Variants in SLC46A3 observed in about 807,000 individuals in gnomAD.
SLC46A3 encodes the protein lysosomal proton-coupled steroid conjugate and bile acid symporter SLC46A3.
In SLC46A3, 26 loss-of-function variants were observed where a neutral mutation model predicts 38.5. The observed-to-expected ratio is 0.68, with a 90% CI of 0.49 to 0.94. The LOEUF is 0.94. SLC46A3 is among the 40% of genes least tolerant of loss of function. The pLI is 0.00. For missense variants in SLC46A3, 510 were observed against 544.3 expected, an observed-to-expected ratio of 0.94 and a Z score of 0.63; for synonymous variants, 185 against 192.5, an observed-to-expected ratio of 0.96 and a Z score of 0.32.
At chr13:28,717,485 CTTTTT>C (rs56878379) in intron 2 of SLC46A3, among the ~76,000 whole-genome samples, 3 of 126,922 alleles carry the variant, frequency 2.4e-5, no homozygotes, top group Non-Finnish European at 3.3e-5. Context: ...AATTTTCAGA[CTTTTT>C]TTTTTTTTTT....
chr13:28,704,303 C>T, intron 4 of SLC46A3: 1 of 558,962 alleles, frequency 1.8e-6, no homozygotes, highest in Non-Finnish European at 3.1e-6. Flanking sequence ...GGGAAAGGTT[C>T]TCCTTGGACT....
chr13:28,714,633 C>T (rs534796281), intron 2 of SLC46A3, among the ~76,000 whole-genome samples: 49 of 152,308 alleles, frequency 3.2e-4, no homozygotes, highest in African/African-American at 1.1e-3. Context: ...CCTGTAGTCT[C>T]CGCTACTTGG....
At chr13:28,712,528 T>TTGA (rs1885370864) in intron 3 of SLC46A3, 152 bp downstream of exon 3, 2 of 671,466 alleles carry the variant, frequency 3.0e-6, no homozygotes, top group South Asian at 1.2e-4. Flanking sequence ...TTTTGGCTTA[T>TTGA]TGACTCCTGG....
chr13:28,709,645 G>A (rs1343326770), intron 4 of SLC46A3, among the ~76,000 whole-genome samples: 1 of 152,154 alleles, frequency 6.6e-6, no homozygotes, highest in African/African-American at 2.4e-5. Flanking sequence ...CCCTTCAACT[G>A]TTTGACTTTG....
rs1318440885 is a variant in SLC46A3 at position 28,712,992 on chromosome 13, T to TA, written c.747dup (p.Lys250Ter). 2.4e-5 allele frequency: 38 copies of TA among 1,613,190 alleles called. No individual in the cohort carries two copies. Among genetic ancestry groups the TA allele is most frequent in the Non-Finnish European group, 3.2e-5 (38 of 1,179,868 alleles). Reference sequence around the variant, plus strand: ...AATCGTCTCTTACCAGAAGCATTCTTAAAAAGCATGTAAGTTCGGTAAAAT... The same window carrying TA: ...AATCGTCTCTTACCAGAAGCATTCTTAAAAAAGCATGTAAGTTCGGTAAAAT... On this transcript the variant is annotated frameshift_variant, in exon 3 of 6. Transcript: ENST00000266943. LOFTEE classifies it high-confidence loss of function.
rs575866639 is a variant in SLC46A3, at chr13:28,709,014, C to T, written c.1144+1746G>A. Reference sequence around the variant, plus strand: ...TATAAACAGATGTGTGAATATATAGCTACATCTTATGAGTGAAAAATAAGA... The same window carrying T: ...TATAAACAGATGTGTGAATATATAGTTACATCTTATGAGTGAAAAATAAGA... On this transcript the variant is annotated intron_variant, in intron 4 of 5. Transcript: ENST00000266943. Among the ~76,000 whole-genome samples the T allele has an allele frequency of 7.9e-5, 12 of 152,128 alleles. No homozygotes were observed. In the South Asian group the frequency reaches 2.5e-3, roughly 32 times the overall value.
At chr13:28,714,783 A>G (rs1486341833) in intron 2 of SLC46A3, among the ~76,000 whole-genome samples, 1 of 152,198 alleles carries the variant, frequency 6.6e-6, no homozygotes, top group East Asian at 1.9e-4. Context: ...TAAAGGTGGT[A>G]GTATGTCATG....
intron 2 of SLC46A3, among the ~76,000 whole-genome samples, chr13:28,715,287 G>A (rs1311219144): frequency 6.6e-6 from 1 of 152,198 alleles, no homozygotes; most frequent in African/African-American, 2.4e-5. Context: ...TGAAAATTCG[G>A]CAAAAATCTT....
chr13:28,714,715 C>T (rs546445030), intron 2 of SLC46A3, among the ~76,000 whole-genome samples: 131 of 152,282 alleles, frequency 8.6e-4, no homozygotes, highest in African/African-American at 1.9e-3. Context: ...TGCCATTGCA[C>T]TCCAGCCTGG....
chr13:28,704,752 A>G (rs1222082430), intron 4 of SLC46A3, among the ~76,000 whole-genome samples: 1 of 152,194 alleles, frequency 6.6e-6, no homozygotes, highest in Non-Finnish European at 1.5e-5. Flanking sequence ...GTGAAGGTTT[A>G]TGCCACAGTT....
chr13:28,709,148 C>T (rs1019684116), intron 4 of SLC46A3, among the ~76,000 whole-genome samples: 24 of 151,676 alleles, frequency 1.6e-4, no homozygotes, highest in African/African-American at 5.8e-4. Context: ...ATGGTGAAAC[C>T]CTGTCTCTGC....
chr13:28,717,485 C>CTT (rs56878379), intron 2 of SLC46A3, among the ~76,000 whole-genome samples: 2 of 126,924 alleles, frequency 1.6e-5, no homozygotes, highest in African/African-American at 6.1e-5. Context: ...AATTTTCAGA[C>CTT]TTTTTTTTTT....
intron 2 of SLC46A3, 123 bp from the exon 3 acceptor site, chr13:28,713,673 G>T: frequency 1.2e-6 from 1 of 838,364 alleles, no homozygotes; most frequent in Non-Finnish European, 1.8e-6. Context: ...ATCTCTGGTG[G>T]ATGGGCGGGA....
Position 28,706,817 on chromosome 13 carries a change from C to T in SLC46A3, c.1145-2718G>A, listed in dbSNP as rs185083456. The stretch of plus-strand genomic sequence containing the variant: ...TGAAAAAATGCTCATCATCACTGGC[C>T]ATCAGAGAAATGCAAATCAAAACCA... On this transcript the variant is annotated intron_variant, in intron 4 of 5. Coordinates refer to ENST00000266943, the MANE Select transcript of SLC46A3 (RefSeq NM_181785.4). 5.0e-3 allele frequency among the ~76,000 whole-genome samples: 755 copies of T among 152,286 alleles called. 3 individuals carry two copies. Among genetic ancestry groups the T allele is most frequent in the African/African-American group, 0.017 (709 of 41,554 alleles).
intron 4 of SLC46A3, 26 bp from the exon 5 acceptor site, chr13:28,704,125 A>AG (rs779947965): frequency 1.5e-5 from 22 of 1,517,042 alleles, no homozygotes; most frequent in East Asian, 7.0e-5. Context: ...ATAGAGAGAG[A>AG]GGAAAAAAAA....
At chr13:28,717,286 C>A (rs1279066492) in intron 2 of SLC46A3, among the ~76,000 whole-genome samples, 2 of 152,048 alleles carry the variant, frequency 1.3e-5, no homozygotes, top group African/African-American at 2.4e-5. Flanking sequence ...ATAAATGCTC[C>A]TCCACCCCAC....
chr13:28,715,566 G>T (rs1885506355), intron 2 of SLC46A3, among the ~76,000 whole-genome samples: 1 of 152,250 alleles, frequency 6.6e-6, no homozygotes, highest in South Asian at 2.1e-4. Context: ...AAATTGATGA[G>T]CCTGTAAGAA....
intron 2 of SLC46A3, among the ~76,000 whole-genome samples, chr13:28,714,145 A>ATT (rs1885452530): frequency 6.8e-5 from 1 of 14,754 alleles, no homozygotes; most frequent in African/African-American, 7.7e-5. Flanking sequence ...AAAATACAAA[A>ATT]AAAAAAAAAA....
intron 3 of SLC46A3, among the ~76,000 whole-genome samples, chr13:28,711,146 C>T (rs1036853704): frequency 7.9e-5 from 12 of 152,056 alleles, no homozygotes; most frequent in South Asian, 2.1e-4. Flanking sequence ...ATCTGCTGGC[C>T]GGGCGCAGTG....
Sources: allele counts gnomAD v4.1 joint callset (sites outside exome capture counted in the v4.1 genomes callset), GRCh38; gene constraint gnomAD v4.1.1; transcripts MANE v1.5; gene names NCBI Gene and HGNC (gene_info 2026-07-23, HGNC 2026-07-21).